The following MARCHF6 variants were observed in gnomAD, a reference collection of about 807,000 sequenced individuals.
MARCHF6 encodes membrane associated ring-CH-type finger 6, also known as E3 ubiquitin-protein ligase MARCHF6.
MARCHF6 carries 31 observed loss-of-function variants against 133.7 expected under a neutral mutation model. The ratio of observed to expected loss-of-function variants is 0.23; its 90% CI spans 0.17 to 0.31. MARCHF6 has a LOEUF of 0.31. Ranked by LOEUF, MARCHF6 falls within the 10% of genes least tolerant of loss-of-function variation. The pLI is 1.00. For missense variants in MARCHF6, 723 were observed against 1,121.6 expected (o/e 0.64, Z 5.08); for synonymous variants, 395 against 402.5 (o/e 0.98, Z 0.22).
chr5:10,390,028 G>A (rs1485676201), intron 5 of MARCHF6, among the ~76,000 whole-genome samples: 1 of 152,010 alleles, frequency 6.6e-6, no homozygotes, highest in Admixed American at 6.6e-5. Flanking sequence ...TCTGTTTCTA[G>A]GCCATTTTCA....
At chr5:10,392,190 C>T (rs1178228915) in intron 7 of MARCHF6, among the ~76,000 whole-genome samples, 2 of 152,158 alleles carry the variant, frequency 1.3e-5, no homozygotes, top group African/African-American at 4.8e-5. Context: ...ATCTCCTGAC[C>T]TTGTGAGCCG....
intron 1 of MARCHF6, among the ~76,000 whole-genome samples, chr5:10,368,936 G>T (rs1054879121): frequency 2.0e-5 from 3 of 151,334 alleles, no homozygotes; most frequent in Non-Finnish European, 2.9e-5. Context: ...TGGCCTGGAT[G>T]ACAAAGTAAG....
At chr5:10,378,336 A>G (rs1034479381) in intron 2 of MARCHF6, among the ~76,000 whole-genome samples, 1 of 152,208 alleles carries the variant, frequency 6.6e-6, no homozygotes, top group Non-Finnish European at 1.5e-5. Context: ...TATTATTATT[A>G]TGCAGATGAG....
chr5:10,387,452 GC>G (rs929723651), intron 5 of MARCHF6, among the ~76,000 whole-genome samples: 39 of 151,982 alleles, frequency 2.6e-4, no homozygotes, highest in African/African-American at 9.4e-4. Context: ...ACAGGCACTC[GC>G]CAGCATGCCT....
At chr5:10,418,568 A>G (rs576976988) in intron 22 of MARCHF6, among the ~76,000 whole-genome samples, 163 of 152,312 alleles carry the variant, frequency 1.1e-3, no homozygotes, top group Non-Finnish European at 1.8e-3. Flanking sequence ...TATTGACTTC[A>G]GTCATTCAAA....
chr5:10,378,794 A>G lies in MARCHF6; in HGVS notation c.152A>G (p.Tyr51Cys), dbSNP rs950804672. ...VQWLKHSRKE[Y>C]CELCKHRFAF... ...TGGCTGAAACACAGTCGAAAAGAAT[A>G]CTGTGAATTATGCAAGCACAGATTT... The change falls in exon 3 of 26, where the codon TAC becomes TGC. Residue 51 changes from tyrosine (Y) to cysteine (C), a missense_variant. Physicochemically the swap from Tyr to Cys is radical, Grantham distance 194. Around this residue, in one of 4 missense-constraint regions of MARCHF6, gnomAD observed 91 missense variants for 208.8 expected, o/e 0.44. Transcript: ENST00000274140. 1 of 1,610,228 alleles carries G rather than the reference A, an allele frequency of 6.2e-7. No homozygotes were observed. Among genetic ancestry groups the G allele is most frequent in the Non-Finnish European group, 8.5e-7 (1 of 1,177,834 alleles).
chr5:10,414,326 G>T, intron 19 of MARCHF6, 107 bp from the exon 20 acceptor site: 1 of 660,158 alleles, frequency 1.5e-6, no homozygotes. Context: ...ACCTGGCAAC[G>T]CAAATATAGA....
At chr5:10,364,866 C>T (rs1053801410) in intron 1 of MARCHF6, among the ~76,000 whole-genome samples, 41 of 152,116 alleles carry the variant, frequency 2.7e-4, no homozygotes, top group South Asian at 2.1e-4. Flanking sequence ...TGCAATGGTG[C>T]GATCTTGGCT....
At chr5:10,404,510 C>G (rs2126770444) in intron 15 of MARCHF6, among the ~76,000 whole-genome samples, 1 of 152,312 alleles carries the variant, frequency 6.6e-6, no homozygotes, top group South Asian at 2.1e-4. Flanking sequence ...GGACACTATA[C>G]TGCATTCTGG....
intron 24 of MARCHF6, among the ~76,000 whole-genome samples, chr5:10,429,395 CTTTTT>C (rs571345405): frequency 7.4e-6 from 1 of 134,574 alleles, no homozygotes. Context: ...CGTCCAGTTC[CTTTTT>C]TTTTTTTTTT....
intron 1 of MARCHF6, among the ~76,000 whole-genome samples, chr5:10,354,179 G>A (rs1309276736): frequency 6.6e-6 from 1 of 152,016 alleles, no homozygotes; most frequent in Non-Finnish European, 1.5e-5. Flanking sequence ...CGGGGCTACT[G>A]CAGGCCGGCG....
chr5:10,429,289 A>G (rs896918379), intron 24 of MARCHF6, among the ~76,000 whole-genome samples: 5 of 152,114 alleles, frequency 3.3e-5, no homozygotes, highest in Non-Finnish European at 4.4e-5. Context: ...GGATTTTTTT[A>G]TTATATAAGC....
At chr5:10,372,173 T>TG (rs1736511383) in intron 1 of MARCHF6, among the ~76,000 whole-genome samples, 1 of 152,146 alleles carries the variant, frequency 6.6e-6, no homozygotes, top group Non-Finnish European at 1.5e-5. Flanking sequence ...TGATGTTTTC[T>TG]GCTCCATAAT....
Position 10,390,401 on chromosome 5 carries a change from C to T in MARCHF6, c.477C>T (p.Ser159=). ...CGTGCACACTGTGTGCATTCATCAGCCTGGTGTGGTTGAGAGAGCAGATAG... is the reference window on the plus strand; with the variant it reads ...CGTGCACACTGTGTGCATTCATCAGTCTGGTGTGGTTGAGAGAGCAGATAG... ...VVTCTLCAFI[S]LVWLREQIVH... Residue 159 remains serine, a synonymous_variant, in exon 6 of 26, where the codon AGC becomes AGT. Coordinates refer to ENST00000274140, the MANE Select transcript of MARCHF6 (RefSeq NM_005885.4). 6.2e-7 allele frequency: 1 copy of T among 1,613,764 alleles called. No homozygotes were observed. Among genetic ancestry groups the T allele is most frequent in the Non-Finnish European group, 8.5e-7 (1 of 1,179,958 alleles).
rs2126396272 is a variant in MARCHF6 at position 10,435,675 on chromosome 5, ATATATATATATATATATATATATTTT to A, written c.*1993_*2018del. 3.4e-4 allele frequency: 2 copies of A among 5,942 alleles called. No homozygotes were observed. The highest frequency in any genetic ancestry group is 5.4e-4 in the Non-Finnish European group (2 of 3,684). 0.4% of individuals were successfully genotyped at this position (5,942 alleles called of 1,614,324 possible). Reference sequence around the variant, plus strand: ...TATATATATATATATATATATATATATATATATATATATATATATATATTTTTTTTTTTTTTTTTTTTTTTTTTTTT... The same window carrying A: ...TATATATATATATATATATATATATATTTTTTTTTTTTTTTTTTTTTTTTT... On this transcript the variant is annotated 3_prime_UTR_variant, in exon 26 of 26. Transcript: ENST00000274140.
At chr5:10,358,591 T>C (rs1158238159) in intron 1 of MARCHF6, among the ~76,000 whole-genome samples, 1 of 152,210 alleles carries the variant, frequency 6.6e-6, no homozygotes, top group Non-Finnish European at 1.5e-5. Context: ...CTAGAGATAA[T>C]TTAAAGTACA....
At chr5:10,423,708 T>G in intron 22 of MARCHF6, 27 bp from the exon 23 acceptor site, 3 of 1,493,110 alleles carry the variant, frequency 2.0e-6, no homozygotes, top group Non-Finnish European at 1.9e-6. Flanking sequence ...ACAACAGAAA[T>G]ATGTTAAATG....
At chr5:10,374,286 C>T (rs1388615325) in intron 1 of MARCHF6, among the ~76,000 whole-genome samples, 5 of 152,154 alleles carry the variant, frequency 3.3e-5, no homozygotes, top group Non-Finnish European at 7.4e-5. Context: ...CCACGGTAAT[C>T]CCACTTTCAA....
intron 1 of MARCHF6, among the ~76,000 whole-genome samples, chr5:10,356,308 T>G (rs1358691363): frequency 1.3e-5 from 2 of 151,522 alleles, no homozygotes; most frequent in African/African-American, 4.8e-5. Context: ...TCACCTACTT[T>G]TGAAAACACT....
Sources: gnomAD v4.1 joint callset for allele counts (sites outside exome capture counted in the v4.1 genomes callset) on GRCh38, gnomAD v4.1.1 for gene constraint, gnomAD v4.1.1 regional missense constraint, MANE v1.5 for transcripts, NCBI Gene and HGNC (gene_info 2026-07-23, HGNC 2026-07-21) for gene names.